Variants in PRKAR1A observed in about 807,000 individuals in gnomAD.
PRKAR1A encodes protein kinase cAMP-dependent type I regulatory subunit alpha, also known as cAMP-dependent protein kinase type I-alpha regulatory subunit.
A neutral mutation model predicts 52.0 loss-of-function variants in PRKAR1A; 3 were observed. The observed-to-expected ratio is 0.06, with a 90% CI of 0.03 to 0.15. The LOEUF (loss-of-function observed/expected upper bound fraction) is 0.15. Ranked by LOEUF, PRKAR1A falls within the 10% of genes least tolerant of loss-of-function variation. The pLI is 1.00. For missense variants in PRKAR1A, 240 were observed against 477.4 expected (o/e 0.50, Z 4.63); for synonymous variants, 188 against 168.4 (o/e 1.12, Z -0.90).
the PRKAR1A span, among the ~76,000 whole-genome samples, chr17:68,437,005 A>ATAGATATAT: frequency 9.3e-6 from 1 of 107,192 alleles, no homozygotes; most frequent in African/African-American, 3.6e-5. Context: ...AAAAAAAAAA[A>ATAGATATAT]ATATATATAT....
the PRKAR1A span, chr17:68,444,568 C>A: frequency 6.2e-7 from 1 of 1,613,854 alleles, no homozygotes; most frequent in Non-Finnish European, 8.5e-7. Context: ...TAAATGGACT[C>A]TTCTAGGCAA....
chr17:68,439,032 G>C, the PRKAR1A span, among the ~76,000 whole-genome samples: 1 of 152,192 alleles, frequency 6.6e-6, no homozygotes, highest in Non-Finnish European at 1.5e-5. Flanking sequence ...CTTATGCACC[G>C]CTGGTGGGAA....
At chr17:68,471,972 T>C in the PRKAR1A span, among the ~76,000 whole-genome samples, 2 of 152,100 alleles carry the variant, frequency 1.3e-5, no homozygotes, top group Admixed American at 1.3e-4. Context: ...GGCTAATGTT[T>C]TTGTATTTTT....
intron 11 of PRKAR1A, chr17:68,550,982 GA>G: frequency 9.6e-7 from 1 of 1,046,106 alleles, no homozygotes; most frequent in Non-Finnish European, 1.2e-6. Flanking sequence ...TGAAGGTTTG[GA>G]ATCTGCCAGT....
chr17:68,438,200 G>A, the PRKAR1A span, among the ~76,000 whole-genome samples: 25 of 152,148 alleles, frequency 1.6e-4, no homozygotes, highest in African/African-American at 3.9e-4. Flanking sequence ...GCATAGCTAC[G>A]GGAGGAAGTG....
chr17:68,535,004 T>C (rs1014351010), downstream of PRKAR1A: 1 of 315,634 alleles, frequency 3.2e-6, no homozygotes, highest in Non-Finnish European at 6.2e-6. Context: ...CAAACTCATA[T>C]TGTCTTCCTG....
intron 11 of PRKAR1A, among the ~76,000 whole-genome samples, chr17:68,546,776 G>A (rs2086589707): frequency 6.7e-6 from 1 of 148,952 alleles, no homozygotes; most frequent in African/African-American, 2.5e-5. Flanking sequence ...CTTGCAGTGA[G>A]CTGAGATTGA....
chr17:68,478,777 G>C, the PRKAR1A span, among the ~76,000 whole-genome samples: 4 of 150,616 alleles, frequency 2.7e-5, no homozygotes, highest in Admixed American at 2.6e-4. Context: ...GCCCAGGCTA[G>C]AGCACAGTGG....
the PRKAR1A span, chr17:68,457,286 C>A: frequency 6.5e-7 from 1 of 1,528,794 alleles, no homozygotes; most frequent in Non-Finnish European, 8.8e-7. Flanking sequence ...GACGACACCC[C>A]TGGGTCCTGA....
the PRKAR1A span, among the ~76,000 whole-genome samples, chr17:68,489,295 G>GTATATATATATATATATGGAAAGTATA: frequency 6.9e-5 from 1 of 14,394 alleles, no homozygotes; most frequent in African/African-American, 3.3e-4. Flanking sequence ...TATATGGAAA[G>GTATATATATATATATATGGAAAGTATA]TATATATATA....
intron 1 of PRKAR1A, 31 bp from the exon 2 acceptor site, chr17:68,515,363 A>T (rs778450086): frequency 6.2e-7 from 1 of 1,610,608 alleles, no homozygotes; most frequent in South Asian, 1.1e-5. Context: ...TTTATAGTTT[A>T]TACAAGCATG....
chr17:68,510,396 C>T (rs980753936), upstream of PRKAR1A, among the ~76,000 whole-genome samples: 1 of 152,178 alleles, frequency 6.6e-6, no homozygotes, highest in Admixed American at 6.5e-5. Flanking sequence ...GCTTGGAACA[C>T]AGTAAGTGCT....
chr17:68,540,033 T>G (rs1265828285), intron 11 of PRKAR1A: 2 of 1,396,286 alleles, frequency 1.4e-6, no homozygotes, highest in East Asian at 2.3e-5. Context: ...TGACCTGAGT[T>G]CTCTCCAGGG....
chr17:68,503,558 G>C, the PRKAR1A span, among the ~76,000 whole-genome samples: 1 of 152,190 alleles, frequency 6.6e-6, no homozygotes, highest in Admixed American at 6.5e-5. Flanking sequence ...AATCTTAATT[G>C]CATGTTACTA....
chr17:68,520,240 T>A (rs2085562687), intron 2 of PRKAR1A, among the ~76,000 whole-genome samples: 2 of 152,276 alleles, frequency 1.3e-5, no homozygotes, highest in African/African-American at 2.4e-5. Context: ...TAGCCAAGCC[T>A]TAAGTCAGTG....
chr17:68,531,853 T>C lies in PRKAR1A; in HGVS notation c.*1404T>C. The stretch of plus-strand genomic sequence containing the variant: ...TAAACAAAATTTCACAGTTCTGTAA[T>C]GTAGGCACTTTTATTTTCATTGTGA... On this transcript the variant is annotated 3_prime_UTR_variant, in exon 11 of 11. Transcript: ENST00000589228. The C allele has an allele frequency of 9.6e-7, 1 of 1,036,646 alleles. No individual in the cohort carries two copies. The highest frequency in any genetic ancestry group is 5.0e-5 in the East Asian group (1 of 19,908). The allele number at this position is 1,036,646 out of a possible 1,614,324, so 64.2% of individuals were successfully genotyped here. A position where few individuals can be genotyped will look rare whatever the true frequency, so the allele number is the denominator to read the frequency against.
chr17:68,428,374 G>A, the PRKAR1A span: 13 of 171,364 alleles, frequency 7.6e-5, no homozygotes, highest in Non-Finnish European at 1.5e-4. Context: ...GACTACAGGT[G>A]TGTGCCACCA....
At chr17:68,542,077 G>A in intron 11 of PRKAR1A, 1 of 1,613,958 alleles carries the variant, frequency 6.2e-7, no homozygotes, top group Non-Finnish European at 8.5e-7. Context: ...AGGCAGAGAG[G>A]GAACCCTCCA....
At chr17:68,541,064 GC>G in intron 11 of PRKAR1A, 1 of 1,512,826 alleles carries the variant, frequency 6.6e-7, no homozygotes. Flanking sequence ...CCCTGATCCT[GC>G]CCTGGGCTGG....
Sources: gnomAD v4.1 joint callset for allele counts (sites outside exome capture counted in the v4.1 genomes callset) on GRCh38, gnomAD v4.1.1 for gene constraint, MANE v1.5 for transcripts, NCBI Gene and HGNC (gene_info 2026-07-23, HGNC 2026-07-21) for gene names.